FXYD3: variants seen among roughly 807,000 people sequenced by gnomAD.
FXYD3 encodes FXYD domain-containing ion transport regulator 3.
In FXYD3, 13 loss-of-function variants were observed where a neutral mutation model predicts 19.2. The observed-to-expected ratio is 0.68, with a 90% CI of 0.44 to 1.08. The LOEUF (loss-of-function observed/expected upper bound fraction) is 1.08. FXYD3 is among the 50% of genes least tolerant of loss of function. The pLI is 0.00. For missense variants in FXYD3, 101 were observed against 109.4 expected (o/e 0.92, Z 0.34); for synonymous variants, 48 against 38.9 (o/e 1.23, Z -0.87).
intron 2 of FXYD3, 31 bp from the exon 3 acceptor site, chr19:35,119,329 TCTG>T: frequency 6.2e-7 from 1 of 1,611,822 alleles, no homozygotes; most frequent in Non-Finnish European, 8.5e-7. Context: ...TCCCGGTGGC[TCTG>T]CTAAGGCCAG....
rs536267853 is a variant in FXYD3 at position 35,122,857 on chromosome 19, G to C, written c.172+18G>C. ...CGTCATGAGTGAGTGGAGGAGCTCG[G>C]GGGAGCAGGCGGGCCGGGGCTGGGG... On this transcript the variant is annotated intron_variant, in intron 6 of 8. Transcript: ENST00000604404. The C allele has an allele frequency of 6.2e-7, 1 of 1,613,926 alleles. No individual in the cohort carries two copies. Among genetic ancestry groups the C allele is most frequent in the African/African-American group, 1.3e-5 (1 of 75,036 alleles).
At chr19:35,120,996 C>T in intron 3 of FXYD3, 82 bp from the exon 4 acceptor site, 3 of 1,516,414 alleles carry the variant, frequency 2.0e-6, no homozygotes, top group Non-Finnish European at 2.7e-6. Context: ...TCCCAAGGCC[C>T]CTGAAACTCC....
In FXYD3 at chr19:35,116,255, C is replaced by T; in HGVS notation, c.-110-9C>T. 5.1e-6 allele frequency: 5 copies of T among 985,350 alleles called. No homozygotes were observed. The highest frequency in any genetic ancestry group is 6.0e-6 in the Non-Finnish European group (5 of 829,878). The allele number at this position is 985,350 out of a possible 1,614,324, so 61.0% of individuals were successfully genotyped here. A position where few individuals can be genotyped will look rare whatever the true frequency, so the allele number is the denominator to read the frequency against. Reference sequence around the variant, plus strand: ...CTCAGGGCATCTGACTTGTTTTCTACCTGCCCAGGTTTGCTTAGGGCGTGG... The same window carrying T: ...CTCAGGGCATCTGACTTGTTTTCTATCTGCCCAGGTTTGCTTAGGGCGTGG... On this transcript the variant is annotated splice_polypyrimidine_tract_variant and intron_variant, in intron 1 of 8. Coordinates refer to ENST00000604404, the MANE Select transcript of FXYD3 (RefSeq NM_005971.4).
At chr19:35,122,601 G>A in intron 5 of FXYD3, 164 bp from the exon 6 acceptor site, 4 of 630,774 alleles carry the variant, frequency 6.3e-6, no homozygotes, top group Non-Finnish European at 1.1e-5. Flanking sequence ...GTTTGCTGGT[G>A]TGTGAACCAG....
At position 35,121,261 on chromosome 19, in the gene FXYD3, C is replaced by G. The variant is rs1008481547; in HGVS notation, c.97+16C>G. ...TTCTACTATGGTGAGAGCCCGTGCC[C>G]CCTTTCCCCTCCCCACAACCCCACA... is the stretch of plus-strand genomic sequence containing the variant. On this transcript the variant is annotated intron_variant, in intron 5 of 8. Transcript: ENST00000604404. The G allele has an allele frequency of 3.1e-6, 5 of 1,614,058 alleles. No individual in the cohort carries two copies. The African/African-American group carries it at 6.7e-5, about 22-fold the overall frequency.
At chr19:35,122,243 C>T (rs1283543061) in intron 5 of FXYD3, among the ~76,000 whole-genome samples, 3 of 152,020 alleles carry the variant, frequency 2.0e-5, no homozygotes, top group African/African-American at 7.2e-5. Flanking sequence ...CAACCTCTGC[C>T]TCCCGGGTTC....
chr19:35,120,972 C>A, intron 3 of FXYD3, 106 bp from the exon 4 acceptor site: 1 of 1,221,968 alleles, frequency 8.2e-7, no homozygotes, highest in Non-Finnish European at 1.2e-6. Context: ...ACCCCTGTCC[C>A]GCAGGAGACC....
chr19:35,116,363 A>G lies in FXYD3; in HGVS notation c.-15+4A>G, dbSNP rs2064884989. On this transcript the variant is annotated splice_donor_region_variant and intron_variant, in intron 2 of 8. Transcript: ENST00000604404. ...CTCAGCCTGGTGAACCACACAGGTG[A>G]GCAGCTGGGGCCCCTTCCTCCAAGC... The G allele has an allele frequency of 1.0e-6, 1 of 985,476 alleles. No homozygotes were observed. Among genetic ancestry groups the G allele is most frequent in the Non-Finnish European group, 1.2e-6 (1 of 829,966 alleles). 61.0% of individuals were successfully genotyped at this position (985,476 alleles called of 1,614,324 possible).
intron 2 of FXYD3, 102 bp from the exon 3 acceptor site, chr19:35,119,261 G>A (rs746621255): frequency 6.2e-6 from 10 of 1,610,496 alleles, no homozygotes; most frequent in Admixed American, 1.7e-5. Flanking sequence ...GGTGAGCTGC[G>A]CACCCTGCCT....
At chr19:35,118,551 T>A in intron 2 of FXYD3, 2 of 991,928 alleles carry the variant, frequency 2.0e-6, no homozygotes, top group Non-Finnish European at 2.4e-6. Flanking sequence ...CAGGTCTACC[T>A]GGGAAAGAGA....
intron 3 of FXYD3, chr19:35,119,735 A>G (rs114779513): frequency 8.6e-4 from 360 of 420,880 alleles, no homozygotes; most frequent in African/African-American, 6.8e-3. Flanking sequence ...CAATGGCGCA[A>G]TCACAGTTCA....
Position 35,123,446 on chromosome 19 carries a change from G to A in FXYD3, c.253G>A (p.Ala85Thr), listed in dbSNP as rs1431744966. ...ETPPLITPGS[A>T]QS ...GACCCCATCACTTCCCGCAGGCTCA[G>A]CCCAAAGCTGATGAGGACAGACCAG... is the stretch of plus-strand genomic sequence containing the variant. Residue 85 changes from alanine to threonine, a missense_variant, in exon 9 of 9, where the codon GCC (alanine) becomes ACC (threonine). By Grantham distance (58) the Ala-to-Thr change is moderately conservative. Transcript: ENST00000604404. 6.2e-6 allele frequency: 10 copies of A among 1,614,098 alleles called. No homozygotes were observed. In the South Asian group the frequency reaches 9.9e-5, roughly 16 times the overall value.
Position 35,121,209 on chromosome 19 carries a change from T to C in FXYD3, c.74-13T>C. ...GTAATCCTGGATTCATGATCTTTTT[T>C]CTTTCCTTGCAGATAAAAACAGTCC... On this transcript the variant is annotated splice_polypyrimidine_tract_variant and intron_variant, in intron 4 of 8. Transcript: ENST00000604404. 6.2e-7 allele frequency: 1 copy of C among 1,614,206 alleles called. No individual in the cohort carries two copies. The highest frequency in any genetic ancestry group is 8.5e-7 in the Non-Finnish European group (1 of 1,180,012).
Position 35,122,928 on chromosome 19 carries a change from C to A in FXYD3, c.183C>A (p.Cys61Ter). ...MGIIIVMSAKCKCKFGQKSGH... is the reference protein window; with the variant it reads ...MGIIIVMSAK ...AGCTCTCCCCAACAGGTGCAAAATG[C>A]AAATGCAAGTTTGGCCAGAAGTCCG... Residue 61 changes from cysteine to a stop codon, truncating the protein, a stop_gained, in exon 7 of 9, where the codon TGC becomes TGA. Transcript: ENST00000604404. LOFTEE classifies it high-confidence loss of function. The A allele has an allele frequency of 6.2e-7, 1 of 1,606,964 alleles. No individual in the cohort carries two copies. The highest frequency in any genetic ancestry group is 1.1e-5 in the South Asian group (1 of 90,308).
rs1243992403 is a variant in FXYD3 at position 35,119,431 on chromosome 19, C to T, written c.40+15C>T. The stretch of plus-strand genomic sequence containing the variant: ...GTTCCTGGCAGGTGAGTACCCATCC[C>T]CCGTCTGCCTTTTCCTCTGGATCCC... On this transcript the variant is annotated intron_variant, in intron 3 of 8. Coordinates refer to ENST00000604404, the MANE Select transcript of FXYD3 (RefSeq NM_005971.4). 2 of 1,612,838 alleles carry T rather than the reference C, an allele frequency of 1.2e-6. No individual in the cohort carries two copies. Among genetic ancestry groups the T allele is most frequent in the Non-Finnish European group, 1.7e-6 (2 of 1,179,124 alleles).
At chr19:35,121,670 C>A in intron 5 of FXYD3, 2 of 468,774 alleles carry the variant, frequency 4.3e-6, no homozygotes, top group Non-Finnish European at 6.3e-6. Flanking sequence ...GCCTCTCAGA[C>A]ACAGCAGACA....
In FXYD3 at chr19:35,123,907, G is replaced by T. The variant is rs1214486761; in HGVS notation, c.*450G>T. On this transcript the variant is annotated 3_prime_UTR_variant, in exon 9 of 9. Transcript: ENST00000604404. ...AATGAAAGAGAGCTCTAACCAGATGGAACACTGGAACATTCCAGTGGACCC... is the reference window on the plus strand; with the variant it reads ...AATGAAAGAGAGCTCTAACCAGATGTAACACTGGAACATTCCAGTGGACCC... The T allele has an allele frequency of 9.4e-6, 2 of 213,112 alleles. No homozygotes were observed. Among genetic ancestry groups the T allele is most frequent in the Non-Finnish European group, 1.9e-5 (2 of 104,736 alleles). 13.2% of individuals were successfully genotyped at this position (213,112 alleles called of 1,614,324 possible).
At chr19:35,116,086 T>G (rs964349021) in intron 1 of FXYD3, 127 bp downstream of exon 1, 1 of 246,798 alleles carries the variant, frequency 4.1e-6, no homozygotes, top group Non-Finnish European at 6.5e-6. Context: ...CTCCCTTAAT[T>G]CCAGGGGCCG....
At chr19:35,123,370 G>GAA in intron 8 of FXYD3, 62 bp downstream of exon 8, 1 of 1,564,858 alleles carries the variant, frequency 6.4e-7, no homozygotes, top group Non-Finnish European at 8.7e-7. Context: ...GTGTGTGTAT[G>GAA]TGTGTGTTTG....
Sources: allele counts gnomAD v4.1 joint callset (sites outside exome capture counted in the v4.1 genomes callset), GRCh38; gene constraint gnomAD v4.1.1; transcripts MANE v1.5; gene names NCBI Gene and HGNC (gene_info 2026-07-23, HGNC 2026-07-21).